ANK3: variants seen among roughly 807,000 people sequenced by gnomAD.
ANK3 encodes ankyrin-3.
Under a neutral mutation model 370.9 loss-of-function variants are expected in ANK3, and 57 were observed. The ratio of observed to expected loss-of-function variants is 0.15; its 90% confidence interval spans 0.12 to 0.19. The LOEUF (loss-of-function observed/expected upper bound fraction) is 0.19. Ranked by LOEUF, ANK3 falls within the 10% of genes least tolerant of loss-of-function variation. ANK3 has a pLI of 1.00. For synonymous variants in ANK3, 1,929 were observed against 1,946.3 expected (o/e 0.99, Z 0.23); for missense variants, 4,439 against 5,302.1 (o/e 0.84, Z 5.06).
intron 1 of ANK3, among the ~76,000 whole-genome samples, chr10:60,381,218 T>A (rs1348873153): frequency 6.6e-6 from 1 of 152,162 alleles, no homozygotes; most frequent in Non-Finnish European, 1.5e-5. Context: ...AAGCAGTCTT[T>A]TTTTTTCCTT....
At chr10:60,379,896 A>T (rs2061330802) in intron 1 of ANK3, among the ~76,000 whole-genome samples, 1 of 152,140 alleles carries the variant, frequency 6.6e-6, no homozygotes, top group African/African-American at 2.4e-5. Context: ...TAAATGTTTG[A>T]GATGATAAAT....
chr10:60,618,606 G>T (rs996050086), intron 1 of ANK3, among the ~76,000 whole-genome samples: 5 of 152,134 alleles, frequency 3.3e-5, no homozygotes, highest in Non-Finnish European at 7.4e-5. Flanking sequence ...CAGGTAAGAA[G>T]GAGATGGTGG....
At chr10:60,715,207 A>G (rs533097456) in intron 1 of ANK3, among the ~76,000 whole-genome samples, 1 of 112,608 alleles carries the variant, frequency 8.9e-6, no homozygotes, top group Non-Finnish European at 1.8e-5. Context: ...ATATATTTAC[A>G]TATACAAATG....
chr10:60,246,889 C>G (rs570758270), intron 7 of ANK3, among the ~76,000 whole-genome samples: 5 of 152,280 alleles, frequency 3.3e-5, no homozygotes, highest in African/African-American at 4.8e-5. Flanking sequence ...CACACAATCT[C>G]AGGAGTTGCC....
intron 7 of ANK3, among the ~76,000 whole-genome samples, chr10:60,235,661 A>C (rs2097321208): frequency 6.7e-6 from 1 of 148,680 alleles, no homozygotes; most frequent in African/African-American, 2.5e-5. Flanking sequence ...TCAGCCTCCC[A>C]AGTAGCTGGA....
intron 1 of ANK3, among the ~76,000 whole-genome samples, chr10:60,719,562 A>G (rs2079834890): frequency 6.6e-6 from 1 of 152,140 alleles, no homozygotes; most frequent in South Asian, 2.1e-4. Context: ...AATGAAAATT[A>G]GTCATTTTAG....
At chr10:60,059,917 C>T in intron 40 of ANK3, 3 of 1,614,074 alleles carry the variant, frequency 1.9e-6, no homozygotes, top group South Asian at 2.2e-5. Flanking sequence ...CTAGAGATAT[C>T]ACTAAAATAA....
intron 28 of ANK3, among the ~76,000 whole-genome samples, chr10:60,099,932 T>C (rs2090878273): frequency 6.8e-6 from 1 of 147,972 alleles, no homozygotes; most frequent in Admixed American, 6.7e-5. Context: ...CTAAAAGCTC[T>C]ACTGTGCCTG....
chr10:60,305,913 T>C (rs1004323192), intron 1 of ANK3, among the ~76,000 whole-genome samples: 1 of 152,202 alleles, frequency 6.6e-6, no homozygotes, highest in Non-Finnish European at 1.5e-5. Flanking sequence ...CAGTCGGATA[T>C]GGCGTTAACA....
chr10:60,645,653 AG>A (rs1233596359), intron 1 of ANK3, among the ~76,000 whole-genome samples: 2 of 152,116 alleles, frequency 1.3e-5, no homozygotes, highest in African/African-American at 4.8e-5. Flanking sequence ...TAAACCCAGG[AG>A]GTGGAGTTTG....
At chr10:60,716,752 G>A (rs1451053452) in intron 1 of ANK3, among the ~76,000 whole-genome samples, 2 of 152,172 alleles carry the variant, frequency 1.3e-5, no homozygotes, top group African/African-American at 2.4e-5. Flanking sequence ...CTGCGCTCAA[G>A]TGATCCTCCT....
chr10:60,573,873 AG>A (rs1274261552), intron 2 of ANK3, among the ~76,000 whole-genome samples: 1 of 152,170 alleles, frequency 6.6e-6, no homozygotes, highest in African/African-American at 2.4e-5. Flanking sequence ...GTCCATTCCT[AG>A]GGGCTGGGAG....
intron 5 of ANK3, among the ~76,000 whole-genome samples, chr10:60,267,691 TA>T: frequency 6.6e-6 from 1 of 152,332 alleles, no homozygotes; most frequent in Admixed American, 6.5e-5. Context: ...AATCTAATTC[TA>T]ATCTATTAGC....
At chr10:60,707,021 A>G (rs1035840020) in intron 1 of ANK3, among the ~76,000 whole-genome samples, 2 of 152,164 alleles carry the variant, frequency 1.3e-5, no homozygotes, top group Non-Finnish European at 2.9e-5. Context: ...TAATATATAA[A>G]TGTATGTTTA....
At position 60,688,291 on chromosome 10, in the gene ANK3, C is replaced by T. The variant is rs112004163; in HGVS notation, c.57+44972G>A. Among the ~76,000 whole-genome samples the T allele has an allele frequency of 9.9e-4, 150 of 152,138 alleles. 1 individual carries two copies. The highest frequency in any genetic ancestry group is 6.8e-3 in the Middle Eastern group (2 of 294). ...ATGTTGGCCAGGCTGGTCTTGAACT[C>T]CTGGCCTCAAGTGATCCACCCGCCT... On this transcript the variant is annotated intron_variant, in intron 1 of 43. Transcript: ENST00000373827.
intron 1 of ANK3, among the ~76,000 whole-genome samples, chr10:60,683,897 T>A (rs1053255175): frequency 2.0e-5 from 3 of 152,136 alleles, no homozygotes; most frequent in Admixed American, 1.3e-4. Context: ...GACAGACAGA[T>A]GAACAGATGG....
intron 2 of ANK3, among the ~76,000 whole-genome samples, chr10:60,575,770 AT>A (rs2133273065): frequency 6.6e-6 from 1 of 152,320 alleles, no homozygotes. Context: ...TCTTCACTTT[AT>A]AAAATAGGGC....
chr10:60,664,412 G>A (rs115396384), intron 1 of ANK3, among the ~76,000 whole-genome samples: 204 of 152,278 alleles, frequency 1.3e-3, no homozygotes, highest in African/African-American at 4.8e-3. Context: ...AGATATATAT[G>A]TGTGTACAAA....
chr10:60,270,301 T>C (rs1592796885), intron 4 of ANK3, 72 bp from the exon 5 acceptor site: 5 of 967,884 alleles, frequency 5.2e-6, no homozygotes, highest in Non-Finnish European at 1.5e-6. Flanking sequence ...GTACTGATGA[T>C]TTATGCTCCA....
Sources: allele counts gnomAD v4.1 joint callset (sites outside exome capture counted in the v4.1 genomes callset), GRCh38; gene constraint gnomAD v4.1.1; transcripts MANE v1.5; gene names NCBI Gene and HGNC (gene_info 2026-07-23, HGNC 2026-07-21).